The following DLGAP4 variants were observed in gnomAD, a reference collection of about 807,000 sequenced individuals.
The protein encoded by DLGAP4 is disks large-associated protein 4.
DLGAP4 carries 18 observed loss-of-function variants against 86.9 expected under a neutral mutation model. The observed-to-expected ratio is 0.21, with a 90% CI of 0.14 to 0.31. DLGAP4 has a LOEUF of 0.31. DLGAP4 is among the 10% of genes least tolerant of loss of function. The probability of loss-of-function intolerance (pLI) is 1.00; values close to 1 mark genes in which losing one functional copy is unlikely to be tolerated. For synonymous variants in DLGAP4, 548 were observed against 574.3 expected (o/e 0.95, Z 0.65); for missense variants, 1,085 against 1,362.6 (o/e 0.80, Z 3.21).
chr20:36,459,237 T>C (rs2033959963), intron 7 of DLGAP4, among the ~76,000 whole-genome samples: 1 of 152,128 alleles, frequency 6.6e-6, no homozygotes, highest in African/African-American at 2.4e-5. Context: ...AGATGTTCCA[T>C]AAATATCTTC....
At position 36,427,536 on chromosome 20, in the gene DLGAP4, C is replaced by T. The variant is rs775762294; in HGVS notation, c.-72-4110C>T. On this transcript the variant is annotated intron_variant, in intron 2 of 12. Coordinates refer to ENST00000339266, the MANE Select transcript of DLGAP4 (RefSeq NM_001365621.2). ...GAAGGAAGGAAGGAAGGAAATATTTCGGAACTAGATGGAGGTAGTGATTAC... is the reference window on the plus strand; with the variant it reads ...GAAGGAAGGAAGGAAGGAAATATTTTGGAACTAGATGGAGGTAGTGATTAC... 1.7e-4 allele frequency among the ~76,000 whole-genome samples: 26 copies of T among 151,442 alleles called. No homozygotes were observed. The South Asian group carries it at 2.1e-3, about 12-fold the overall frequency.
chr20:36,456,735 C>T (rs903130926), intron 7 of DLGAP4, among the ~76,000 whole-genome samples: 1 of 152,228 alleles, frequency 6.6e-6, no homozygotes, highest in Non-Finnish European at 1.5e-5. Context: ...ATCCACTCAG[C>T]CTTCTGGGGG....
chr20:36,440,999 T>C (rs373546928), intron 5 of DLGAP4, among the ~76,000 whole-genome samples: 24 of 151,906 alleles, frequency 1.6e-4, no homozygotes, highest in African/African-American at 3.6e-4. Flanking sequence ...AGGGGTAGAG[T>C]GCCGCAGCCC....
At chr20:36,480,728 G>C (rs1569514318) in intron 7 of DLGAP4, among the ~76,000 whole-genome samples, 1 of 151,074 alleles carries the variant, frequency 6.6e-6, no homozygotes, top group Non-Finnish European at 1.5e-5. Context: ...AAGTTGGCTG[G>C]GCACGGTAAC....
chr20:36,378,471 A>G (rs773608490), intron 2 of DLGAP4, among the ~76,000 whole-genome samples: 1 of 152,086 alleles, frequency 6.6e-6, no homozygotes, highest in African/African-American at 2.4e-5. Flanking sequence ...GTCCTTTCCT[A>G]CAGCTGTGGC....
intron 7 of DLGAP4, among the ~76,000 whole-genome samples, chr20:36,477,554 T>G (rs1446682055): frequency 2.0e-5 from 3 of 152,170 alleles, no homozygotes; most frequent in African/African-American, 4.8e-5. Context: ...CTGCCCCCTA[T>G]GGAGGCAGGA....
chr20:36,349,469 G>A (rs2030070418), intron 1 of DLGAP4, among the ~76,000 whole-genome samples: 1 of 151,912 alleles, frequency 6.6e-6, no homozygotes, highest in Admixed American at 6.6e-5. Flanking sequence ...TGTAGGGAAC[G>A]TAGCCTGAAG....
intron 12 of DLGAP4, among the ~76,000 whole-genome samples, chr20:36,526,503 A>T (rs1409532535): frequency 6.6e-6 from 1 of 151,618 alleles, no homozygotes; most frequent in Non-Finnish European, 1.5e-5. Context: ...TCTGACTGTG[A>T]CTCGGGCTAG....
At chr20:36,394,582 G>A (rs2031888118) in intron 2 of DLGAP4, among the ~76,000 whole-genome samples, 1 of 152,160 alleles carries the variant, frequency 6.6e-6, no homozygotes, top group South Asian at 2.1e-4. Flanking sequence ...ACATGCACGT[G>A]TGCGCACGAG....
intron 2 of DLGAP4, among the ~76,000 whole-genome samples, chr20:36,387,170 C>T (rs770393091): frequency 3.2e-4 from 48 of 152,220 alleles, no homozygotes; most frequent in Non-Finnish European, 6.2e-4. Context: ...CTCATTTCCT[C>T]AGCACCTCAG....
intron 7 of DLGAP4, chr20:36,461,388 G>A (rs2034036890): frequency 1.1e-6 from 1 of 927,312 alleles, no homozygotes; most frequent in African/African-American, 1.8e-5. Flanking sequence ...AGTCCCTGAC[G>A]ACGCGCGCGC....
chr20:36,315,029 GAT>G (rs1271178792), intron 1 of DLGAP4, among the ~76,000 whole-genome samples: 1,963 of 24,036 alleles, frequency 0.082, 59 homozygotes, highest in African/African-American at 0.25. Flanking sequence ...GGTGGTGTGA[GAT>G]GTGTGTGTGG....
intron 2 of DLGAP4, among the ~76,000 whole-genome samples, chr20:36,374,478 G>A (rs758620026): frequency 1.8e-4 from 28 of 152,212 alleles, no homozygotes; most frequent in Non-Finnish European, 2.6e-4. Context: ...AGGCAGGCCC[G>A]GACCACAGGG....
chr20:36,344,092 G>A (rs991620231), intron 1 of DLGAP4, among the ~76,000 whole-genome samples: 4 of 152,130 alleles, frequency 2.6e-5, no homozygotes, highest in Non-Finnish European at 2.9e-5. Flanking sequence ...TGGGTGACTC[G>A]TGGTAAATCA....
At chr20:36,419,700 C>A (rs1306700296) in intron 2 of DLGAP4, among the ~76,000 whole-genome samples, 2 of 152,192 alleles carry the variant, frequency 1.3e-5, no homozygotes, top group Non-Finnish European at 2.9e-5. Flanking sequence ...TGGCAGGAGG[C>A]CTCAGTTCCT....
intron 7 of DLGAP4, among the ~76,000 whole-genome samples, chr20:36,459,539 C>A (rs1276433430): frequency 6.6e-6 from 1 of 152,162 alleles, no homozygotes; most frequent in Non-Finnish European, 1.5e-5. Context: ...CCACCACACC[C>A]AGCTAATTTT....
chr20:36,328,565 A>G (rs545334180), intron 1 of DLGAP4, among the ~76,000 whole-genome samples: 32 of 152,186 alleles, frequency 2.1e-4, no homozygotes, highest in African/African-American at 7.7e-4. Flanking sequence ...ATAAATCAGA[A>G]TCCCCTGCTT....
At chr20:36,353,590 G>A (rs1057012176) in intron 1 of DLGAP4, among the ~76,000 whole-genome samples, 9 of 152,236 alleles carry the variant, frequency 5.9e-5, no homozygotes, top group African/African-American at 1.9e-4. Flanking sequence ...GGCCACAGGG[G>A]GCCCAGGAGC....
intron 2 of DLGAP4, among the ~76,000 whole-genome samples, chr20:36,373,694 A>G (rs889195549): frequency 2.0e-5 from 3 of 152,210 alleles, no homozygotes; most frequent in African/African-American, 7.2e-5. Flanking sequence ...TGAATTGCCC[A>G]AGATGCATGG....
Sources: gnomAD v4.1 joint callset for allele counts (sites outside exome capture counted in the v4.1 genomes callset) on GRCh38, gnomAD v4.1.1 for gene constraint, MANE v1.5 for transcripts, NCBI Gene and HGNC (gene_info 2026-07-23, HGNC 2026-07-21) for gene names.